Variants in ANKRA2 observed in about 807,000 individuals in gnomAD.
The protein encoded by ANKRA2 is ankyrin repeat family A protein 2.
In ANKRA2, 33 loss-of-function variants were observed where a neutral mutation model predicts 37.8. The observed-to-expected ratio is 0.87, with a 90% CI of 0.66 to 1.17. The LOEUF (loss-of-function observed/expected upper bound fraction) is 1.17. Ranked by LOEUF, ANKRA2 falls within the 50% of genes most tolerant of loss-of-function variation. The pLI, the probability that ANKRA2 is intolerant of heterozygous loss-of-function variation, is 0.00. For missense variants in ANKRA2, 326 were observed against 373.7 expected (o/e 0.87, Z 1.05); for synonymous variants, 126 against 132.3 (o/e 0.95, Z 0.33).
intron 2 of ANKRA2, among the ~76,000 whole-genome samples, chr5:73,561,667 T>G (rs1388931491): frequency 6.6e-6 from 1 of 151,958 alleles, no homozygotes; most frequent in Non-Finnish European, 1.5e-5. Flanking sequence ...CTCGGGAGGC[T>G]GAGGCAGGAG....
chr5:73,553,967 C>T (rs1199425295), intron 7 of ANKRA2, among the ~76,000 whole-genome samples: 5 of 152,056 alleles, frequency 3.3e-5, no homozygotes, highest in Non-Finnish European at 7.4e-5. Context: ...GACGGGGTTT[C>T]GCCATGTTGG....
In ANKRA2 at chr5:73,562,979, TA is replaced by T. The variant is rs1200401354; in HGVS notation, c.-99del. Reference sequence around the variant, plus strand: ...AGTGTGTTCTTGGAATCTGGATATTTAAAAATCTGAAAGAAAAAATTAGAAA... The same window carrying T: ...AGTGTGTTCTTGGAATCTGGATATTTAAAATCTGAAAGAAAAAATTAGAAA... On this transcript the variant is annotated 5_prime_UTR_variant, in exon 2 of 9. An upstream open reading frame in the 5' UTR loses its in-frame stop. Transcript: ENST00000296785. The T allele has an allele frequency of 8.6e-7, 1 of 1,157,392 alleles. No homozygotes were observed. The highest frequency in any genetic ancestry group is 2.5e-5 in the East Asian group (1 of 39,358). The allele number at this position is 1,157,392 out of a possible 1,614,324, so 71.7% of individuals were successfully genotyped here.
intron 1 of ANKRA2, among the ~76,000 whole-genome samples, chr5:73,564,037 T>C (rs1747634717): frequency 6.6e-6 from 1 of 151,392 alleles, no homozygotes; most frequent in Admixed American, 6.6e-5. Context: ...ACTCTGACCA[T>C]TAAAATGAGG....
At chr5:73,561,725 C>T (rs561887672) in intron 2 of ANKRA2, among the ~76,000 whole-genome samples, 1 of 152,116 alleles carries the variant, frequency 6.6e-6, no homozygotes, top group South Asian at 2.1e-4. Flanking sequence ...CAAGATCTCG[C>T]CACTGCACTC....
chr5:73,554,246 T>A lies in ANKRA2; in HGVS notation c.805+76A>T, dbSNP rs1747335437. ...AACAATAGTTAATGATTCTCCTGAG[T>A]AGTACCAGGGGAGGCCAGGTCGAAA... On this transcript the variant is annotated intron_variant, in intron 7 of 8. Coordinates refer to ENST00000296785, the MANE Select transcript of ANKRA2 (RefSeq NM_023039.5). The A allele has an allele frequency of 5.9e-6, 7 of 1,176,470 alleles. No individual in the cohort carries two copies. In the African/African-American group the frequency reaches 7.6e-5, roughly 13 times the overall value. The allele number at this position is 1,176,470 out of a possible 1,614,324, so 72.9% of individuals were successfully genotyped here.
Position 73,561,239 on chromosome 5 carries a change from A to T in ANKRA2, c.339T>A (p.His113Gln). Residue 113 changes from histidine to glutamine, a missense_variant, in exon 3 of 9, where the codon CAT becomes CAA. Coordinates refer to ENST00000296785, the MANE Select transcript of ANKRA2 (RefSeq NM_023039.5). ...GCTTTGTTGTAGAGGGGGTGTAGAC[A>T]TGCCTTACTTGAATTCCCGGAGAAG... The part of the protein sequence containing the change: ...TSPSPGIQVR[H>Q]VYTPSTTKHF... The T allele has an allele frequency of 1.9e-6, 3 of 1,613,470 alleles. No homozygotes were observed. Among genetic ancestry groups the T allele is most frequent in the Non-Finnish European group, 2.5e-6 (3 of 1,179,526 alleles).
chr5:73,562,965 G>A lies in ANKRA2; in HGVS notation c.-84C>T. On this transcript the variant is annotated 5_prime_UTR_variant, in exon 2 of 9. Transcript: ENST00000296785. ...TAAGAGCAGTATCCAGTGTGTTCTT[G>A]GAATCTGGATATTTAAAAATCTGAA... The A allele has an allele frequency of 8.0e-7, 1 of 1,246,890 alleles. No individual in the cohort carries two copies. Among genetic ancestry groups the A allele is most frequent in the South Asian group, 1.7e-5 (1 of 58,796 alleles). 77.2% of individuals were successfully genotyped at this position (1,246,890 alleles called of 1,614,324 possible).
chr5:73,553,730 C>T (rs900377353), intron 7 of ANKRA2, among the ~76,000 whole-genome samples: 47 of 151,986 alleles, frequency 3.1e-4, no homozygotes, highest in Admixed American at 3.0e-3. Flanking sequence ...ATAAAGCTCA[C>T]GCATAAAGAC....
rs1327792278 is a variant in ANKRA2 at position 73,555,050 on chromosome 5, G to A, written c.613-64C>T. 4 of 1,560,746 alleles carry A rather than the reference G, an allele frequency of 2.6e-6. No homozygotes were observed. The African/African-American group carries it at 5.5e-5, about 22-fold the overall frequency. ...TTTAAACAAGAATATTGTTATTCCT[G>A]TCAACAATAATTATAGTTCAACACT... On this transcript the variant is annotated intron_variant, in intron 5 of 8. Transcript: ENST00000296785.
At chr5:73,559,123 A>G (rs918709761) in intron 3 of ANKRA2, among the ~76,000 whole-genome samples, 4 of 152,338 alleles carry the variant, frequency 2.6e-5, no homozygotes, top group East Asian at 1.9e-4. Flanking sequence ...GCAAATTTAT[A>G]TAAGTAAACC....
intron 1 of ANKRA2, among the ~76,000 whole-genome samples, chr5:73,564,857 T>G (rs750301855): frequency 4.5e-4 from 68 of 151,990 alleles, no homozygotes; most frequent in Non-Finnish European, 8.8e-4. Flanking sequence ...TAGGCCAAAA[T>G]TTTGAAGAAC....
rs1335355235 is a variant in ANKRA2 at position 73,553,464 on chromosome 5, A to C, written c.828T>G (p.Ile276Met). 1 of 1,613,456 alleles carries C rather than the reference A, an allele frequency of 6.2e-7. No homozygotes were observed. The change falls in exon 8 of 9, where the codon ATT becomes ATG. Residue 276 changes from isoleucine to methionine, a missense_variant. Physicochemically the swap from Ile to Met is conservative, Grantham distance 10 (BLOSUM62 1). Coordinates refer to ENST00000296785, the MANE Select transcript of ANKRA2 (RefSeq NM_023039.5). ...TAGAATTATATCCAGAGTCAGTTTC[A>C]ATTGTTGGATCAGCCCCACTTTCTA... is the stretch of plus-strand genomic sequence containing the variant. Reference protein sequence around the residue: ...MLLESGADPTIETDSGYNSMD... With the variant: ...MLLESGADPTMETDSGYNSMD...
In ANKRA2 at chr5:73,562,910, A is replaced by G. The variant is rs1747594961; in HGVS notation, c.-29T>C. On this transcript the variant is annotated 5_prime_UTR_variant, in exon 2 of 9. Transcript: ENST00000296785. ...TTCAACTGTAGTTTCAATAACTAAA[A>G]CATTTCTTCATGATTTCCTCTTGGT... The G allele has an allele frequency of 6.4e-7, 1 of 1,551,528 alleles. No individual in the cohort carries two copies. The highest frequency in any genetic ancestry group is 1.9e-5 in the Admixed American group (1 of 52,200).
In ANKRA2 at chr5:73,552,849, T is replaced by A. The variant is rs758865315; in HGVS notation, c.890A>T (p.Gln297Leu). The A allele has an allele frequency of 2.0e-5, 32 of 1,602,770 alleles. No individual in the cohort carries two copies. Among genetic ancestry groups the A allele is most frequent in the Non-Finnish European group, 2.7e-5 (32 of 1,170,744 alleles). ...CAACAAATGTGACTCAATAACCTGTTGAACTAGAACAGATAGGTAATCAAG... is the reference window on the plus strand; with the variant it reads ...CAACAAATGTGACTCAATAACCTGTAGAACTAGAACAGATAGGTAATCAAG... Reference protein sequence around the residue: ...LAVALGYRSVQQVIESHLLKL... With the variant: ...LAVALGYRSVLQVIESHLLKL... The change falls in exon 9 of 9, where the codon CAA (glutamine) becomes CTA (leucine). Residue 297 changes from glutamine (Q) to leucine (L), a missense_variant. Gln to Leu is a moderately radical substitution (Grantham distance 113). Transcript: ENST00000296785.
At chr5:73,554,037 T>C (rs113098440) in intron 7 of ANKRA2, among the ~76,000 whole-genome samples, 172 of 152,270 alleles carry the variant, frequency 1.1e-3, no homozygotes, top group African/African-American at 3.9e-3. Context: ...CCCAAAGTGC[T>C]GGGATTACAG....
Position 73,562,828 on chromosome 5 carries a change from A to T in ANKRA2, c.54T>A (p.Cys18Ter). ...DIGAQLIVEE[C>*]PSTYSLTGMP... ...TGCCAGTTAGGCTATAAGTGCTGGG[A>T]CACTCTTCCACGATAAGCTGGGCTC... The change falls in exon 2 of 9, where the codon TGT becomes TGA. Residue 18 changes from cysteine to a stop codon, truncating the protein, a stop_gained. Coordinates refer to ENST00000296785, the MANE Select transcript of ANKRA2 (RefSeq NM_023039.5). LOFTEE classifies it high-confidence loss of function. 1.2e-6 allele frequency: 2 copies of T among 1,613,934 alleles called. No homozygotes were observed. The highest frequency in any genetic ancestry group is 1.1e-5 in the South Asian group (1 of 91,062).
At chr5:73,555,069 C>G in intron 5 of ANKRA2, 83 bp from the exon 6 acceptor site, 1 of 1,539,040 alleles carries the variant, frequency 6.5e-7, no homozygotes, top group Non-Finnish European at 8.7e-7. Context: ...AATTATAGTT[C>G]AACACTAGGC....
In ANKRA2 at chr5:73,552,645, T is replaced by A. The variant is rs531748676; in HGVS notation, c.*152A>T. ...TATAAAAAGAGTATTACATTTATTA[T>A]AAACCAGTGAATTACTCAGAGAAAT... On this transcript the variant is annotated 3_prime_UTR_variant, in exon 9 of 9. Transcript: ENST00000296785. 4 of 634,670 alleles carry A rather than the reference T, an allele frequency of 6.3e-6. No homozygotes were observed. The East Asian group carries it at 1.2e-4, about 19-fold the overall frequency. The allele number at this position is 634,670 out of a possible 1,614,324, so 39.3% of individuals were successfully genotyped here.
rs1187517716 is a variant in ANKRA2 at position 73,552,255 on chromosome 5, C to T, written c.*542G>A. The stretch of plus-strand genomic sequence containing the variant: ...TATTGTTTGATCTAATGAAGTGTTA[C>T]GGCAGGACAGAAGGGTGAAATTAAA... On this transcript the variant is annotated 3_prime_UTR_variant, in exon 9 of 9. Coordinates refer to ENST00000296785, the MANE Select transcript of ANKRA2 (RefSeq NM_023039.5). 2.0e-5 allele frequency: 3 copies of T among 152,440 alleles called. No individual in the cohort carries two copies. Among genetic ancestry groups the T allele is most frequent in the East Asian group, 1.9e-4 (1 of 5,194 alleles). The allele number at this position is 152,440 out of a possible 1,614,324, so 9.4% of individuals were successfully genotyped here. A position where few individuals can be genotyped will look rare whatever the true frequency, so the allele number is the denominator to read the frequency against.
Sources: gnomAD v4.1 joint callset for allele counts (sites outside exome capture counted in the v4.1 genomes callset) on GRCh38, gnomAD v4.1.1 for gene constraint, MANE v1.5 for transcripts, NCBI Gene and HGNC (gene_info 2026-07-23, HGNC 2026-07-21) for gene names.